Variants in PCNX4 observed in about 807,000 individuals in gnomAD.
PCNX4 encodes the protein pecanex 4, also known as pecanex-like protein 4.
In PCNX4, 103 loss-of-function variants were observed where a neutral mutation model predicts 107.2. The ratio of observed to expected loss-of-function variants is 0.96; its 90% CI spans 0.82 to 1.13. The LOEUF is 1.13. Ranked by LOEUF, PCNX4 falls within the 50% of genes most tolerant of loss-of-function variation. The pLI is 0.00. For missense variants in PCNX4, 1,528 were observed against 1,379.4 expected, an observed-to-expected ratio of 1.11 and a Z score of -1.71; for synonymous variants, 541 against 481.7, an observed-to-expected ratio of 1.12 and a Z score of -1.61.
chr14:60,107,567 TTTAA>T lies in PCNX4; in HGVS notation c.-53-16_-53-13del. ...ATGACATTTTCAAACAGTGACTTTT[TTTAA>T]TTTTTATTTTTTAGAAACTGCTGTG... On this transcript the variant is annotated splice_polypyrimidine_tract_variant and intron_variant, in intron 1 of 10. Transcript: ENST00000406854. 7.4e-7 allele frequency: 1 copy of T among 1,346,842 alleles called. No homozygotes were observed. The highest frequency in any genetic ancestry group is 2.0e-4 in the Middle Eastern group (1 of 4,880). The allele number at this position is 1,346,842 out of a possible 1,614,324, so 83.4% of individuals were successfully genotyped here. A position where few individuals can be genotyped will look rare whatever the true frequency, so the allele number is the denominator to read the frequency against.
At chr14:60,098,464 C>T (rs1255281378) in intron 1 of PCNX4, among the ~76,000 whole-genome samples, 3 of 152,120 alleles carry the variant, frequency 2.0e-5, no homozygotes, top group Non-Finnish European at 4.4e-5. Context: ...ATTCAAAAAC[C>T]CTCCAAAAGT....
At chr14:60,110,994 A>G (rs75701601) in intron 2 of PCNX4, 6,075 of 167,116 alleles carry the variant, frequency 0.036, 280 homozygotes, top group East Asian at 0.15. Context: ...AGAGATGCCA[A>G]AGAGCTTGAT....
chr14:60,144,722 G>A lies in PCNX4; in HGVS notation c.*10501G>A, dbSNP rs1896353500. On this transcript the variant is annotated 3_prime_UTR_variant, in exon 11 of 11. Coordinates refer to ENST00000406854, the MANE Select transcript of PCNX4 (RefSeq NM_001330177.2). The stretch of plus-strand genomic sequence containing the variant: ...CTGTTAACTTAGATTTTAAGCATAT[G>A]TGCTAAAGTATTTTAAAAGGTTATT... 2.4e-6 allele frequency: 1 copy of A among 422,768 alleles called. No homozygotes were observed. The highest frequency in any genetic ancestry group is 2.1e-5 in the African/African-American group (1 of 47,602). 26.2% of individuals were successfully genotyped at this position (422,768 alleles called of 1,614,324 possible).
intron 1 of PCNX4, among the ~76,000 whole-genome samples, chr14:60,104,275 C>T (rs1179003152): frequency 4.2e-5 from 6 of 142,966 alleles, no homozygotes; most frequent in Non-Finnish European, 8.9e-5. Flanking sequence ...GCTGAGATCA[C>T]GCCACTGCAC....
intron 1 of PCNX4, among the ~76,000 whole-genome samples, chr14:60,105,626 C>A (rs540399275): frequency 6.6e-6 from 1 of 152,046 alleles, no homozygotes; most frequent in South Asian, 2.1e-4. Context: ...AATAACACTT[C>A]AGGTACTGCA....
At chr14:60,130,813 A>C (rs762378866) in intron 10 of PCNX4, among the ~76,000 whole-genome samples, 6 of 151,864 alleles carry the variant, frequency 4.0e-5, no homozygotes, top group Non-Finnish European at 7.4e-5. Context: ...TTTTAAGGTT[A>C]ACATAAGGCT....
intron 1 of PCNX4, among the ~76,000 whole-genome samples, chr14:60,093,878 G>A (rs1252492835): frequency 2.0e-5 from 3 of 152,096 alleles, no homozygotes; most frequent in Non-Finnish European, 4.4e-5. Context: ...TTTTATTTTA[G>A]CCAGTCAAGG....
chr14:60,123,049 A>G (rs1024813293), intron 8 of PCNX4, among the ~76,000 whole-genome samples: 2 of 152,168 alleles, frequency 1.3e-5, no homozygotes, highest in African/African-American at 4.8e-5. Flanking sequence ...GCTCCGAGTG[A>G]TGCTGACTCA....
intron 2 of PCNX4, chr14:60,110,097 A>G (rs553661668): frequency 6.6e-5 from 11 of 167,216 alleles, no homozygotes; most frequent in Non-Finnish European, 1.2e-4. Context: ...TGAAGAGAAC[A>G]CCAAAAGTGT....
At position 60,116,017 on chromosome 14, in the gene PCNX4, T is replaced by TA; in HGVS notation, c.1536dup (p.Trp513MetfsTer20). 6.2e-7 allele frequency: 1 copy of TA among 1,612,900 alleles called. No individual in the cohort carries two copies. Among genetic ancestry groups the TA allele is most frequent in the Non-Finnish European group, 8.5e-7 (1 of 1,179,390 alleles). The stretch of plus-strand genomic sequence containing the variant: ...GTACACTTGATCTCCAGTACAGACA[T>TA]ATGGTGGAACAGAAGCCTGGATACA... On this transcript the variant is annotated frameshift_variant, in exon 6 of 11. Transcript: ENST00000406854. LOFTEE classifies it high-confidence loss of function.
intron 1 of PCNX4, among the ~76,000 whole-genome samples, chr14:60,106,478 A>C (rs974099288): frequency 1.3e-5 from 2 of 152,220 alleles, no homozygotes; most frequent in African/African-American, 4.8e-5. Flanking sequence ...ATGAATGCAG[A>C]ACCCACAGAC....
At chr14:60,120,807 T>C (rs1309441851) in intron 7 of PCNX4, among the ~76,000 whole-genome samples, 1 of 152,206 alleles carries the variant, frequency 6.6e-6, no homozygotes, top group African/African-American at 2.4e-5. Context: ...CAAAACACTT[T>C]TTATATGTTT....
chr14:60,097,250 A>G (rs1335877208), intron 1 of PCNX4, among the ~76,000 whole-genome samples: 1 of 152,194 alleles, frequency 6.6e-6, no homozygotes, highest in Non-Finnish European at 1.5e-5. Flanking sequence ...TAGTGAGTCT[A>G]CGGAACCAGG....
intron 1 of PCNX4, among the ~76,000 whole-genome samples, chr14:60,102,914 A>G (rs1049118894): frequency 2.0e-5 from 3 of 152,184 alleles, no homozygotes; most frequent in African/African-American, 7.2e-5. Flanking sequence ...CAAATAAAGT[A>G]TTTTCAAATT....
intron 6 of PCNX4, 51 bp from the exon 7 acceptor site, chr14:60,118,278 T>A (rs199774597): frequency 2.0e-6 from 3 of 1,477,892 alleles, no homozygotes; most frequent in Non-Finnish European, 2.7e-6. Flanking sequence ...TCTTGAAAAT[T>A]CATGAAAAAT....
At chr14:60,117,930 A>G (rs1156885281) in intron 6 of PCNX4, among the ~76,000 whole-genome samples, 1 of 152,150 alleles carries the variant, frequency 6.6e-6, no homozygotes, top group African/African-American at 2.4e-5. Context: ...CTCTGTGGGT[A>G]GTTTTTAAAT....
At chr14:60,111,013 T>C (rs1229736080) in intron 2 of PCNX4, 2 of 167,002 alleles carry the variant, frequency 1.2e-5, no homozygotes, top group Non-Finnish European at 2.9e-5. Context: ...ATGTCTCTCT[T>C]TTTGCTACAA....
At position 60,108,177 on chromosome 14, in the gene PCNX4, G is replaced by A; in HGVS notation, c.539G>A (p.Gly180Glu). 2 of 1,612,846 alleles carry A rather than the reference G, an allele frequency of 1.2e-6. No homozygotes were observed. The highest frequency in any genetic ancestry group is 1.7e-6 in the Non-Finnish European group (2 of 1,179,880). Reference protein sequence around the residue: ...TGGTALLFFFGWMTLCIAEYS... With the variant: ...TGGTALLFFFEWMTLCIAEYS... ...GGCACTGCTCTACTATTCTTCTTTG[G>A]ATGGATGACACTATGTATAGCAGAA... Residue 180 changes from glycine (G) to glutamate (E), a missense_variant, in exon 2 of 11, where the codon GGA becomes GAA. Gly to Glu is a moderately conservative substitution (Grantham distance 98). Coordinates refer to ENST00000406854, the MANE Select transcript of PCNX4 (RefSeq NM_001330177.2).
At chr14:60,102,331 C>T (rs111628451) in intron 1 of PCNX4, among the ~76,000 whole-genome samples, 2 of 81,848 alleles carry the variant, frequency 2.4e-5, no homozygotes, top group African/African-American at 6.8e-5. Flanking sequence ...AAAAAAACTT[C>T]AATCACTACA....
Sources: gnomAD v4.1 joint callset for allele counts (sites outside exome capture counted in the v4.1 genomes callset) on GRCh38, gnomAD v4.1.1 for gene constraint, MANE v1.5 for transcripts, NCBI Gene and HGNC (gene_info 2026-07-23, HGNC 2026-07-21) for gene names.